The following COL25A1 variants were observed in gnomAD, a reference collection of about 807,000 sequenced individuals.
The protein encoded by COL25A1 is collagen alpha-1(XXV) chain.
Under a neutral mutation model 128.4 loss-of-function variants are expected in COL25A1, and 103 were observed. That is an observed-to-expected ratio of 0.80 (90% CI 0.68 to 0.94). The LOEUF (loss-of-function observed/expected upper bound fraction) is 0.94, where lower values mean the gene tolerates loss of function less well. Among genes scored for constraint, COL25A1 ranks in the 40% least tolerant of loss-of-function variants. The pLI, the probability that COL25A1 is intolerant of heterozygous loss-of-function variation, is 0.00. For synonymous variants in COL25A1, 279 were observed against 277.2 expected, an observed-to-expected ratio of 1.01 and a Z score of -0.06; for missense variants, 745 against 840.0, an observed-to-expected ratio of 0.89 and a Z score of 1.40.
chr4:108,899,164 T>A lies in COL25A1; in HGVS notation c.851A>T (p.Gln284Leu). The change falls in exon 15 of 38, where the codon CAA (glutamine) becomes CTA (leucine). Residue 284 changes from glutamine to leucine, a missense_variant. Physicochemically the swap from Gln to Leu is moderately radical, Grantham distance 113 (BLOSUM62 -2). Coordinates refer to ENST00000399132, the MANE Select transcript of COL25A1 (RefSeq NM_198721.4). ...IPGPKGEPGE[Q>L]GEKGDAGENG... Reference sequence around the variant, plus strand: ...CAGAATCATTCTTACCTTTTCACCTTGTTCTCCAGGTTCTCCCTGAGCAAA... The same window carrying A: ...CAGAATCATTCTTACCTTTTCACCTAGTTCTCCAGGTTCTCCCTGAGCAAA... The A allele has an allele frequency of 6.2e-7, 1 of 1,609,896 alleles. No individual in the cohort carries two copies. The highest frequency in any genetic ancestry group is 8.5e-7 in the Non-Finnish European group (1 of 1,178,144).
intron 3 of COL25A1, among the ~76,000 whole-genome samples, chr4:109,053,602 C>A (rs1361615671): frequency 1.3e-5 from 2 of 152,142 alleles, no homozygotes; most frequent in East Asian, 3.8e-4. Context: ...TCAATTCTAC[C>A]CCTAGTACTT....
At chr4:108,923,165 TA>T (rs1745663550) in intron 11 of COL25A1, among the ~76,000 whole-genome samples, 1 of 152,144 alleles carries the variant, frequency 6.6e-6, no homozygotes, top group Non-Finnish European at 1.5e-5. Context: ...CTGTGGTAAT[TA>T]AAGTTAAGCT....
intron 3 of COL25A1, among the ~76,000 whole-genome samples, chr4:109,130,866 T>C (rs1401266605): frequency 6.6e-6 from 1 of 152,222 alleles, no homozygotes; most frequent in African/African-American, 2.4e-5. Flanking sequence ...TTATTTATAT[T>C]GCATATTACT....
chr4:109,233,728 T>G (rs200518379), intron 3 of COL25A1, among the ~76,000 whole-genome samples: 2 of 152,110 alleles, frequency 1.3e-5, no homozygotes, highest in East Asian at 3.8e-4. Flanking sequence ...GCCTTTGACA[T>G]TACTATATAG....
At chr4:109,103,624 G>T (rs965496609) in intron 3 of COL25A1, among the ~76,000 whole-genome samples, 52 of 152,062 alleles carry the variant, frequency 3.4e-4, no homozygotes, top group African/African-American at 1.2e-3. Context: ...TTGTGGTATT[G>T]AAATGCCATT....
chr4:109,183,768 C>T (rs1774883920), intron 3 of COL25A1, among the ~76,000 whole-genome samples: 1 of 152,012 alleles, frequency 6.6e-6, no homozygotes, highest in Non-Finnish European at 1.5e-5. Flanking sequence ...CCCGTATGTG[C>T]ATTTCCCTGG....
At chr4:108,846,031 C>T in intron 28 of COL25A1, 108 bp downstream of exon 28, 2 of 697,498 alleles carry the variant, frequency 2.9e-6, no homozygotes, top group Non-Finnish European at 4.8e-6. Flanking sequence ...ATGAGATGAA[C>T]CACTAGATGA....
At chr4:108,868,733 G>A (rs1560776864) in intron 20 of COL25A1, among the ~76,000 whole-genome samples, 1 of 141,864 alleles carries the variant, frequency 7.0e-6, no homozygotes, top group Non-Finnish European at 1.5e-5. Flanking sequence ...GAAAGGAAGG[G>A]AGGAAGGAAG....
chr4:109,274,898 G>T (rs1490868819), intron 3 of COL25A1, among the ~76,000 whole-genome samples: 1 of 152,168 alleles, frequency 6.6e-6, no homozygotes, highest in African/African-American at 2.4e-5. Flanking sequence ...TTTTCAGTGT[G>T]TGTCGGCACA....
intron 8 of COL25A1, among the ~76,000 whole-genome samples, chr4:108,949,709 G>C (rs1255290110): frequency 6.6e-6 from 1 of 150,706 alleles, no homozygotes; most frequent in Non-Finnish European, 1.5e-5. Context: ...ATTTTTTTTT[G>C]CATTTTTAGT....
intron 3 of COL25A1, among the ~76,000 whole-genome samples, chr4:109,231,088 G>A (rs775727056): frequency 6.6e-6 from 1 of 152,042 alleles, no homozygotes; most frequent in South Asian, 2.1e-4. Flanking sequence ...GCAGTGAACC[G>A]AGATAGAGTG....
At chr4:109,036,614 T>C (rs1759381703) in intron 5 of COL25A1, among the ~76,000 whole-genome samples, 1 of 152,178 alleles carries the variant, frequency 6.6e-6, no homozygotes, top group African/African-American at 2.4e-5. Flanking sequence ...AGGATATATA[T>C]AGGGCATATT....
chr4:108,984,340 C>G (rs997197013), intron 6 of COL25A1, among the ~76,000 whole-genome samples: 4 of 152,224 alleles, frequency 2.6e-5, no homozygotes, highest in African/African-American at 4.8e-5. Flanking sequence ...CAGTGGATCC[C>G]GCACAGGGGC....
At chr4:109,155,476 T>TA (rs1418410643) in intron 3 of COL25A1, among the ~76,000 whole-genome samples, 2 of 152,148 alleles carry the variant, frequency 1.3e-5, no homozygotes. Flanking sequence ...TTATAAAAGC[T>TA]CCCTGTTTCA....
chr4:108,981,761 A>C (rs1340762519), intron 6 of COL25A1, among the ~76,000 whole-genome samples: 1 of 152,222 alleles, frequency 6.6e-6, no homozygotes, highest in African/African-American at 2.4e-5. Flanking sequence ...TGTTTGGCTA[A>C]AATAAAATAT....
chr4:108,828,727 G>A (rs1404631436), intron 32 of COL25A1, among the ~76,000 whole-genome samples: 1 of 152,124 alleles, frequency 6.6e-6, no homozygotes, highest in African/African-American at 2.4e-5. Context: ...CAGGAGTAAT[G>A]GTGATTTTAT....
intron 26 of COL25A1, 86 bp from the exon 27 acceptor site, chr4:108,848,889 A>T: frequency 1.0e-6 from 1 of 992,434 alleles, no homozygotes; most frequent in Non-Finnish European, 1.6e-6. Flanking sequence ...GTTTGTTAAC[A>T]CCACAATTTG....
chr4:108,825,028 CTCA>C (rs2125715186), intron 34 of COL25A1, among the ~76,000 whole-genome samples, 165 bp downstream of exon 34: 1 of 152,096 alleles, frequency 6.6e-6, no homozygotes, highest in Admixed American at 6.5e-5. Context: ...TCTGTTTTAT[CTCA>C]TGCAAACACT....
chr4:109,302,223 T>C lies in COL25A1; in HGVS notation c.-111A>G. 1.6e-6 allele frequency: 1 copy of C among 611,644 alleles called. No individual in the cohort carries two copies. Among genetic ancestry groups the C allele is most frequent in the Non-Finnish European group, 2.7e-6 (1 of 377,142 alleles). 37.9% of individuals were successfully genotyped at this position (611,644 alleles called of 1,614,324 possible). ...GGCGTGCACCATCCCCGCTTTCTTC[T>C]CTCCTCCCAGCTGGAAGTGAAAAGC... On this transcript the variant is annotated 5_prime_UTR_variant, in exon 1 of 38. Coordinates refer to ENST00000399132, the MANE Select transcript of COL25A1 (RefSeq NM_198721.4).
Sources: allele counts gnomAD v4.1 joint callset (sites outside exome capture counted in the v4.1 genomes callset), GRCh38; gene constraint gnomAD v4.1.1; transcripts MANE v1.5; gene names NCBI Gene and HGNC (gene_info 2026-07-23, HGNC 2026-07-21).